The following MFSD6 variants were observed in gnomAD, a reference collection of about 807,000 sequenced individuals.
MFSD6 encodes major facilitator superfamily domain-containing protein 6.
Under a neutral mutation model 56.3 loss-of-function variants are expected in MFSD6, and 26 were observed. That is an observed-to-expected ratio of 0.46 (90% CI 0.34 to 0.64). MFSD6 has a LOEUF of 0.64. MFSD6 is among the 30% of genes least tolerant of loss of function. The pLI, the probability that MFSD6 is intolerant of heterozygous loss-of-function variation, is 0.01. For synonymous variants in MFSD6, 331 were observed against 366.9 expected, an observed-to-expected ratio of 0.90 and a Z score of 1.12; for missense variants, 750 against 986.2, an observed-to-expected ratio of 0.76 and a Z score of 3.21.
chr2:190,448,956 A>G (rs573491800), intron 3 of MFSD6, among the ~76,000 whole-genome samples: 1 of 152,344 alleles, frequency 6.6e-6, no homozygotes, highest in South Asian at 2.1e-4. Flanking sequence ...GTGTATATGC[A>G]TATGCATGTG....
rs1274048835 is a variant in MFSD6, at chr2:190,436,434, C to T, written c.405C>T (p.Leu135=). Residue 135 remains leucine (L), a synonymous_variant, in exon 3 of 8, where the codon CTC becomes CTT. Transcript: ENST00000392328. The surrounding 1 kb of genome is among the most constrained non-coding windows in gnomAD (Gnocchi z 5.3). ...GCTTTAAAAAAGGCAAAATTGTCCT[C>T]CTCTTTTCTCTTTTGTGTTGGGTTT... is the stretch of plus-strand genomic sequence containing the variant. ...ADRFKKGKIV[L]LFSLLCWVLF... The T allele has an allele frequency of 6.2e-7, 1 of 1,614,146 alleles. No homozygotes were observed. Among genetic ancestry groups the T allele is most frequent in the Non-Finnish European group, 8.5e-7 (1 of 1,180,038 alleles).
intron 3 of MFSD6, among the ~76,000 whole-genome samples, chr2:190,444,101 T>C (rs968752848): frequency 6.6e-6 from 1 of 152,238 alleles, no homozygotes; most frequent in African/African-American, 2.4e-5. Context: ...AGTTAATCAG[T>C]ACTAGAAAAT....
chr2:190,435,776 A>C, intron 2 of MFSD6: 1 of 413,606 alleles, frequency 2.4e-6, no homozygotes, highest in Non-Finnish European at 4.3e-6. Context: ...TTAGTCAGTC[A>C]GTGGCCATAA....
intron 4 of MFSD6, among the ~76,000 whole-genome samples, chr2:190,479,482 C>A (rs1688536933): frequency 6.6e-6 from 1 of 152,026 alleles, no homozygotes; most frequent in African/African-American, 2.4e-5. Flanking sequence ...TTTTAAAAAC[C>A]CATAGGAATT....
chr2:190,477,299 G>T, intron 4 of MFSD6: 3 of 984,624 alleles, frequency 3.0e-6, no homozygotes, highest in Non-Finnish European at 3.6e-6. Context: ...TCCCACCTCT[G>T]GTTCCTGTTC....
chr2:190,473,182 CA>C (rs1365976564), intron 4 of MFSD6, among the ~76,000 whole-genome samples: 3 of 152,126 alleles, frequency 2.0e-5, no homozygotes, highest in African/African-American at 7.2e-5. Flanking sequence ...CATCAACCAA[CA>C]AGCAAAATCA....
rs1439909548 is a variant in MFSD6, at chr2:190,457,542, T to C, written c.1533-12216T>C. On this transcript the variant is annotated intron_variant, in intron 3 of 7. Coordinates refer to ENST00000392328, the MANE Select transcript of MFSD6 (RefSeq NM_017694.4). The surrounding 1 kb of genome is among the most constrained non-coding windows in gnomAD (Gnocchi z 5.1). ...ATGATAGCAGTTGCTGGGATCTACATAGAGAATTTTATTTCCTTGAAGCCA... is the reference window on the plus strand; with the variant it reads ...ATGATAGCAGTTGCTGGGATCTACACAGAGAATTTTATTTCCTTGAAGCCA... Among the ~76,000 whole-genome samples, 1 of 152,276 alleles carries C rather than the reference T, an allele frequency of 6.6e-6. No individual in the cohort carries two copies. Among genetic ancestry groups the C allele is most frequent in the Admixed American group, 6.5e-5 (1 of 15,306 alleles).
rs1006580338 is a variant in MFSD6, at chr2:190,471,223, G to C, written c.1630+1368G>C. ...CTGAGGTACCGGGTTCATCTCACTG[G>C]GGATTGTCAGGCAGTGGGTGCAGGA... On this transcript the variant is annotated intron_variant, in intron 4 of 7. Coordinates refer to ENST00000392328, the MANE Select transcript of MFSD6 (RefSeq NM_017694.4). This position sits in a 1 kb window ranked among gnomAD's most constrained non-coding sequence, Gnocchi z 4.7. 6.6e-6 allele frequency among the ~76,000 whole-genome samples: 1 copy of C among 152,190 alleles called. No homozygotes were observed. The highest frequency in any genetic ancestry group is 2.4e-5 in the African/African-American group (1 of 41,458).
chr2:190,494,712 T>G lies in MFSD6; in HGVS notation c.1892-2727T>G, dbSNP rs553359085. ...GGTTTAACATATGCAAGCCAATAAA[T>G]GTCTTTCACCACATAAACAGAATTA... is the stretch of plus-strand genomic sequence containing the variant. On this transcript the variant is annotated intron_variant, in intron 6 of 7. Coordinates refer to ENST00000392328, the MANE Select transcript of MFSD6 (RefSeq NM_017694.4). This position sits in a 1 kb window ranked among gnomAD's most constrained non-coding sequence, Gnocchi z 5.7. Among the ~76,000 whole-genome samples the G allele has an allele frequency of 5.3e-5, 8 of 152,190 alleles. No individual in the cohort carries two copies. Among genetic ancestry groups the G allele is most frequent in the Non-Finnish European group, 8.8e-5 (6 of 68,014 alleles).
rs1273974119 is a variant in MFSD6, at chr2:190,492,024, G to T, written c.1891+2158G>T. On this transcript the variant is annotated intron_variant, in intron 6 of 7. Coordinates refer to ENST00000392328, the MANE Select transcript of MFSD6 (RefSeq NM_017694.4). This position sits in a 1 kb window ranked among gnomAD's most constrained non-coding sequence, Gnocchi z 5.2. ...ACAGAAATGCAAAATGTTCTGGAAA[G>T]TCTCAGCAACAGAATCGAAGAAGCA... 6.6e-6 allele frequency among the ~76,000 whole-genome samples: 1 copy of T among 152,208 alleles called. No homozygotes were observed. The highest frequency in any genetic ancestry group is 2.4e-5 in the African/African-American group (1 of 41,452).
At position 190,499,538 on chromosome 2, in the gene MFSD6, TA is replaced by T. The variant is rs1689912975; in HGVS notation, c.2173-475del. ...AATACCAAATATATATCAGGACTCT[TA>T]ATTACAGGACATTCTTTCCCAGCTC... On this transcript the variant is annotated intron_variant, in intron 7 of 7. Coordinates refer to ENST00000392328, the MANE Select transcript of MFSD6 (RefSeq NM_017694.4). The surrounding 1 kb of genome is among the most constrained non-coding windows in gnomAD (Gnocchi z 6.0). Among the ~76,000 whole-genome samples, 1 of 152,242 alleles carries T rather than the reference TA, an allele frequency of 6.6e-6. No individual in the cohort carries two copies. The highest frequency in any genetic ancestry group is 1.5e-5 in the Non-Finnish European group (1 of 68,038).
At position 190,454,857 on chromosome 2, in the gene MFSD6, G is replaced by A. The variant is rs1298027890; in HGVS notation, c.1533-14901G>A. The stretch of plus-strand genomic sequence containing the variant: ...GAATAGGGACCTATGGCCTAACATA[G>A]TGGGATGATGGTAGGAGTGAGTCCG... On this transcript the variant is annotated intron_variant, in intron 3 of 7. Transcript: ENST00000392328. This position sits in a 1 kb window ranked among gnomAD's most constrained non-coding sequence, Gnocchi z 4.6. 6.6e-6 allele frequency among the ~76,000 whole-genome samples: 1 copy of A among 152,052 alleles called. No individual in the cohort carries two copies. The highest frequency in any genetic ancestry group is 1.5e-5 in the Non-Finnish European group (1 of 68,026).
In MFSD6 at chr2:190,433,047, C is replaced by T. The variant is rs4853705; in HGVS notation, c.-53-2930C>T. The stretch of plus-strand genomic sequence containing the variant: ...TACCAATTGTTTACTTTCTGCTTTC[C>T]GTAATTTTATTTTATTGCTATTATG... On this transcript the variant is annotated intron_variant, in intron 2 of 7. Coordinates refer to ENST00000392328, the MANE Select transcript of MFSD6 (RefSeq NM_017694.4). The surrounding 1 kb of genome is among the most constrained non-coding windows in gnomAD (Gnocchi z 4.5). Among the ~76,000 whole-genome samples the T allele has an allele frequency of 0.46, 69,251 of 151,922 alleles. 16,201 individuals carry two copies. The highest frequency in any genetic ancestry group is 0.61 in the Admixed American group (9,252 of 15,282).
At chr2:190,445,705 G>A (rs1478575089) in intron 3 of MFSD6, among the ~76,000 whole-genome samples, 1 of 152,076 alleles carries the variant, frequency 6.6e-6, no homozygotes, top group African/African-American at 2.4e-5. Flanking sequence ...TGGTACCTTG[G>A]TTTAAAAATT....
At position 190,500,366 on chromosome 2, in the gene MFSD6, C is replaced by T. The variant is rs1400890341; in HGVS notation, c.*148C>T. 5 of 787,036 alleles carry T rather than the reference C, an allele frequency of 6.4e-6. No individual in the cohort carries two copies. Among genetic ancestry groups the T allele is most frequent in the Non-Finnish European group, 1.0e-5 (5 of 500,602 alleles). The allele number at this position is 787,036 out of a possible 1,614,324, so 48.8% of individuals were successfully genotyped here. A position where few individuals can be genotyped will look rare whatever the true frequency, so the allele number is the denominator to read the frequency against. ...ATCTAAACTCATTAACATGGAAACA[C>T]ACACACAGGAGCTACAGTACATATT... On this transcript the variant is annotated 3_prime_UTR_variant, in exon 8 of 8. Coordinates refer to ENST00000392328, the MANE Select transcript of MFSD6 (RefSeq NM_017694.4). The surrounding 1 kb of genome is among the most constrained non-coding windows in gnomAD (Gnocchi z 5.3).
At chr2:190,452,878 T>C (rs1686833177) in intron 3 of MFSD6, among the ~76,000 whole-genome samples, 1 of 152,184 alleles carries the variant, frequency 6.6e-6, no homozygotes, top group Admixed American at 6.5e-5. Context: ...TGAATATAAG[T>C]GGCAAAAACT....
At position 190,437,193 on chromosome 2, in the gene MFSD6, G is replaced by A. The variant is rs201999987; in HGVS notation, c.1164G>A (p.Gln388=). The A allele has an allele frequency of 2.4e-5, 39 of 1,614,090 alleles. No individual in the cohort carries two copies. In the Middle Eastern group the frequency reaches 4.9e-4, roughly 20 times the overall value. ...LMTMALIVAT[Q]FRFRYNHFKN... is the part of the protein sequence containing the mutation. ...CCATGGCCTTGATCGTTGCCACTCA[G>A]TTCCGGTTCCGCTACAACCATTTCA... The change falls in exon 3 of 8, where the codon CAG becomes CAA. Residue 388 remains glutamine, a synonymous_variant. Coordinates refer to ENST00000392328, the MANE Select transcript of MFSD6 (RefSeq NM_017694.4). The surrounding 1 kb of genome is among the most constrained non-coding windows in gnomAD (Gnocchi z 5.9).
In MFSD6 at chr2:190,498,772, A is replaced by G. The variant is rs1370377795; in HGVS notation, c.2172+1053A>G. Reference sequence around the variant, plus strand: ...CTGCTTGAGTAGCAATATTTTCATTACTTTGTGTACTCATCCTCATTTTCA... The same window carrying G: ...CTGCTTGAGTAGCAATATTTTCATTGCTTTGTGTACTCATCCTCATTTTCA... On this transcript the variant is annotated intron_variant, in intron 7 of 7. Coordinates refer to ENST00000392328, the MANE Select transcript of MFSD6 (RefSeq NM_017694.4). This position sits in a 1 kb window ranked among gnomAD's most constrained non-coding sequence, Gnocchi z 5.9. 1.3e-5 allele frequency among the ~76,000 whole-genome samples: 2 copies of G among 152,156 alleles called. No individual in the cohort carries two copies. Among genetic ancestry groups the G allele is most frequent in the Non-Finnish European group, 2.9e-5 (2 of 68,036 alleles).
rs761220077 is a variant in MFSD6, at chr2:190,459,936, C to G, written c.1533-9822C>G. ...TGACATACAATGTGATTCTTATGCT[C>G]TGTTCTACAAGGATGGGTCAGTGGC... On this transcript the variant is annotated intron_variant, in intron 3 of 7. Transcript: ENST00000392328. The surrounding 1 kb of genome is among the most constrained non-coding windows in gnomAD (Gnocchi z 5.3). Among the ~76,000 whole-genome samples, 1 of 152,218 alleles carries G rather than the reference C, an allele frequency of 6.6e-6. No individual in the cohort carries two copies. Among genetic ancestry groups the G allele is most frequent in the Non-Finnish European group, 1.5e-5 (1 of 68,038 alleles).
Sources: gnomAD v4.1 joint callset for allele counts (sites outside exome capture counted in the v4.1 genomes callset) on GRCh38, gnomAD v4.1.1 for gene constraint, Gnocchi (gnomAD v3.1) non-coding constraint, MANE v1.5 for transcripts, NCBI Gene and HGNC (gene_info 2026-07-23, HGNC 2026-07-21) for gene names.